The following RBM48 variants were observed in gnomAD, a reference collection of about 807,000 sequenced individuals.
RBM48 encodes the protein RNA binding motif protein 48.
In RBM48, 32 loss-of-function variants were observed where a neutral mutation model predicts 34.8. The ratio of observed to expected loss-of-function variants is 0.92; its 90% confidence interval spans 0.69 to 1.23. The LOEUF is 1.23. Among genes scored for constraint, RBM48 ranks in the 50% most tolerant of loss-of-function variants. The pLI is 0.00. For synonymous variants in RBM48, 151 were observed against 156.2 expected, an observed-to-expected ratio of 0.97 and a Z score of 0.25; for missense variants, 441 against 447.2, an observed-to-expected ratio of 0.99 and a Z score of 0.12.
In RBM48 at chr7:92,532,562, T is replaced by C; in HGVS notation, c.448+13T>C. The C allele has an allele frequency of 6.3e-7, 1 of 1,592,156 alleles. No individual in the cohort carries two copies. Among genetic ancestry groups the C allele is most frequent in the Non-Finnish European group, 8.6e-7 (1 of 1,164,430 alleles). On this transcript the variant is annotated intron_variant, in intron 3 of 4. Coordinates refer to ENST00000265732, the MANE Select transcript of RBM48 (RefSeq NM_032120.4). ...ACTGAAAATAAAGGTATGGAAAGCATATTGCTAAATGCCTCCTGTGTGTCA... is the reference window on the plus strand; with the variant it reads ...ACTGAAAATAAAGGTATGGAAAGCACATTGCTAAATGCCTCCTGTGTGTCA...
In RBM48 at chr7:92,538,261, C is replaced by CTAGT. The variant is rs555331121; in HGVS notation, c.*1325_*1326insAGTT. The stretch of plus-strand genomic sequence containing the variant: ...TCCTGGTCCTTTTAAGGGCTTACAA[C>CTAGT]TGTAAGAGGGTCTGCGTGAAAGGGT... On this transcript the variant is annotated 3_prime_UTR_variant, in exon 5 of 5. Coordinates refer to ENST00000265732, the MANE Select transcript of RBM48 (RefSeq NM_032120.4). 1.4e-3 allele frequency among the ~76,000 whole-genome samples: 213 copies of CTAGT among 152,256 alleles called. 2 individuals carry two copies. The highest frequency in any genetic ancestry group is 4.8e-3 in the African/African-American group (198 of 41,538).
chr7:92,536,829 G>A, intron 4 of RBM48, 22 bp from the exon 5 acceptor site: 1 of 1,555,864 alleles, frequency 6.4e-7, no homozygotes, highest in Non-Finnish European at 8.6e-7. Context: ...AGTTTTAATG[G>A]TTCTTTTTTT....
rs1585282740 is a variant in RBM48 at position 92,540,480 on chromosome 7, T to G, written c.*3543T>G. Reference sequence around the variant, plus strand: ...AAAGTTCACACTTCTGTAGACACCCTACATACATAAAAAATTATTTATTTA... The same window carrying G: ...AAAGTTCACACTTCTGTAGACACCCGACATACATAAAAAATTATTTATTTA... On this transcript the variant is annotated 3_prime_UTR_variant, in exon 5 of 5. Coordinates refer to ENST00000265732, the MANE Select transcript of RBM48 (RefSeq NM_032120.4). 6.6e-6 allele frequency: 1 copy of G among 152,330 alleles called. No individual in the cohort carries two copies. The highest frequency in any genetic ancestry group is 1.9e-4 in the East Asian group (1 of 5,190). 9.4% of individuals were successfully genotyped at this position (152,330 alleles called of 1,614,324 possible).
At chr7:92,532,284 A>G in intron 2 of RBM48, 120 bp from the exon 3 acceptor site, 4 of 774,672 alleles carry the variant, frequency 5.2e-6, no homozygotes, top group South Asian at 1.7e-5. Context: ...TCCACAGGAT[A>G]TATATACACG....
At chr7:92,529,181 C>T in intron 1 of RBM48, 2 of 576,732 alleles carry the variant, frequency 3.5e-6, no homozygotes, top group Non-Finnish European at 6.1e-6. Flanking sequence ...CTACTTGGCA[C>T]AGGTAAGCAC....
rs780302592 is a variant in RBM48, at chr7:92,528,812, A to C, written c.-2A>C. Reference sequence around the variant, plus strand: ...CTCCCTGCGAGGATCAAAGTAGGCAAGATGGCGTCGAGCGGCGGGGAGCTA... The same window carrying C: ...CTCCCTGCGAGGATCAAAGTAGGCACGATGGCGTCGAGCGGCGGGGAGCTA... On this transcript the variant is annotated 5_prime_UTR_variant, in exon 1 of 5. Transcript: ENST00000265732. 8 of 1,613,608 alleles carry C rather than the reference A, an allele frequency of 5.0e-6. No individual in the cohort carries two copies. The highest frequency in any genetic ancestry group is 6.8e-6 in the Non-Finnish European group (8 of 1,179,538).
chr7:92,532,314 C>T, intron 2 of RBM48, 90 bp from the exon 3 acceptor site: 1 of 1,095,108 alleles, frequency 9.1e-7, no homozygotes, highest in Non-Finnish European at 1.3e-6. Flanking sequence ...CTGGACTTTG[C>T]TCTTTAGATC....
rs923237914 is a variant in RBM48, at chr7:92,540,317, T to G, written c.*3380T>G. 1 of 152,232 alleles carries G rather than the reference T, an allele frequency of 6.6e-6. No individual in the cohort carries two copies. Among genetic ancestry groups the G allele is most frequent in the Non-Finnish European group, 1.5e-5 (1 of 68,034 alleles). The allele number at this position is 152,232 out of a possible 1,614,324, so 9.4% of individuals were successfully genotyped here. On this transcript the variant is annotated 3_prime_UTR_variant, in exon 5 of 5. Transcript: ENST00000265732. ...AAACACCTCCAACAGAAGTCTGTCT[T>G]CTCTTACTGTTTTTCAAAGTCTGCA...
rs1421369387 is a variant in RBM48, at chr7:92,539,811, A to G, written c.*2874A>G. On this transcript the variant is annotated 3_prime_UTR_variant, in exon 5 of 5. Transcript: ENST00000265732. ...ATTAGACTGATACTTGCAGCTCAGA[A>G]AACTTTTGTCAGATGCATACATGAA... Among the ~76,000 whole-genome samples the G allele has an allele frequency of 6.6e-6, 1 of 152,244 alleles. No individual in the cohort carries two copies. Among genetic ancestry groups the G allele is most frequent in the Non-Finnish European group, 1.5e-5 (1 of 68,042 alleles).
At chr7:92,531,731 G>A (rs2116317620) in intron 2 of RBM48, among the ~76,000 whole-genome samples, 1 of 152,338 alleles carries the variant, frequency 6.6e-6, no homozygotes. Flanking sequence ...GCATGGCTAA[G>A]TTACATAATG....
chr7:92,538,907 C>G lies in RBM48; in HGVS notation c.*1970C>G, dbSNP rs1428350506. Among the ~76,000 whole-genome samples, 1 of 152,198 alleles carries G rather than the reference C, an allele frequency of 6.6e-6. No homozygotes were observed. The highest frequency in any genetic ancestry group is 1.9e-4 in the East Asian group (1 of 5,200). On this transcript the variant is annotated 3_prime_UTR_variant, in exon 5 of 5. Transcript: ENST00000265732. ...GTTTCTGAATGGGTTCCTGATAGTC[C>G]TGTGACCATGCGGAAGCCAGCACTC...
At chr7:92,529,051 C>T in intron 1 of RBM48, 127 bp downstream of exon 1, 3 of 733,738 alleles carry the variant, frequency 4.1e-6, no homozygotes, top group Non-Finnish European at 7.2e-6. Context: ...TTAGAGCTGG[C>T]GTGAAGAACC....
intron 1 of RBM48, 197 bp downstream of exon 1, chr7:92,529,121 C>T: frequency 1.6e-6 from 1 of 617,686 alleles, no homozygotes; most frequent in South Asian, 1.9e-5. Flanking sequence ...ACATCAACTC[C>T]ACGAGAATAG....
Position 92,534,409 on chromosome 7 carries a change from C to T in RBM48, c.456C>T (p.Tyr152=), listed in dbSNP as rs1411880264. 18 of 1,608,420 alleles carry T rather than the reference C, an allele frequency of 1.1e-5. No individual in the cohort carries two copies. The highest frequency in any genetic ancestry group is 2.2e-5 in the East Asian group (1 of 44,862). Residue 152 remains tyrosine (Y), a synonymous_variant, in exon 4 of 5, where the codon TAC becomes TAT. Coordinates refer to ENST00000265732, the MANE Select transcript of RBM48 (RefSeq NM_032120.4). ...VVKTTENKDH[Y]VTKKKLVTEH... is the part of the protein sequence containing the mutation. ...TTAAATTGTAATATAAAGACCATTA[C>T]GTGACAAAGAAGAAATTGGTTACAG...
chr7:92,535,379 A>G (rs982227306), intron 4 of RBM48: 2 of 1,064,240 alleles, frequency 1.9e-6, no homozygotes, highest in Non-Finnish European at 2.3e-6. Context: ...CAAATTCAAA[A>G]TGCTTAATTT....
At chr7:92,529,171 C>A in intron 1 of RBM48, 1 of 585,666 alleles carries the variant, frequency 1.7e-6, no homozygotes, top group Non-Finnish European at 3.0e-6. Flanking sequence ...GTTTACAGTA[C>A]TACTTGGCAC....
chr7:92,534,474 C>T lies in RBM48; in HGVS notation c.521C>T (p.Ser174Leu). The T allele has an allele frequency of 1.9e-6, 3 of 1,613,984 alleles. No individual in the cohort carries two copies. The highest frequency in any genetic ancestry group is 1.1e-5 in the South Asian group (1 of 91,066). ...GAGGATTTTAGACAAGACTTCCACT[C>T]AGAGATGTCTGGATTTTGTAAAGCT... ...DTEDFRQDFHSEMSGFCKAAL... is the reference protein window; with the variant it reads ...DTEDFRQDFHLEMSGFCKAAL... The change falls in exon 4 of 5, where the codon TCA (serine) becomes TTA (leucine). Residue 174 changes from serine (S) to leucine (L), a missense_variant. By Grantham distance (145) the Ser-to-Leu change is moderately radical (BLOSUM62 -2). Coordinates refer to ENST00000265732, the MANE Select transcript of RBM48 (RefSeq NM_032120.4).
intron 2 of RBM48, among the ~76,000 whole-genome samples, chr7:92,530,177 CAAAAA>C (rs539616414): frequency 3.9e-5 from 3 of 76,012 alleles, no homozygotes; most frequent in African/African-American, 4.3e-5. Flanking sequence ...AGCTCTGCCT[CAAAAA>C]AAAAAAAAAA....
chr7:92,528,851 A>C lies in RBM48; in HGVS notation c.38A>C (p.Asp13Ala), dbSNP rs764115541. Reference protein sequence around the residue: ...SSGGELGSLFDHHVQRAVCDT... With the variant: ...SSGGELGSLFAHHVQRAVCDT... ...GGCGGGGAGCTAGGGAGTTTATTTG[A>C]TCACCACGTCCAGAGGGCGGTATGC... The change falls in exon 1 of 5, where the codon GAT becomes GCT. Residue 13 changes from aspartate to alanine, a missense_variant. Asp to Ala is a moderately radical substitution (Grantham distance 126). Transcript: ENST00000265732. 6.2e-7 allele frequency: 1 copy of C among 1,614,052 alleles called. No individual in the cohort carries two copies. The highest frequency in any genetic ancestry group is 8.5e-7 in the Non-Finnish European group (1 of 1,179,994).
Sources: gnomAD v4.1 joint callset for allele counts (sites outside exome capture counted in the v4.1 genomes callset) on GRCh38, gnomAD v4.1.1 for gene constraint, MANE v1.5 for transcripts, NCBI Gene and HGNC (gene_info 2026-07-23, HGNC 2026-07-21) for gene names.